RASA3: variants seen among roughly 807,000 people sequenced by gnomAD.
RASA3 encodes the protein RAS p21 protein activator 3, also known as ras GTPase-activating protein 3.
A neutral mutation model predicts 110.0 loss-of-function variants in RASA3; 73 were observed. That is an observed-to-expected ratio of 0.66 (90% CI 0.55 to 0.81). RASA3 has a LOEUF of 0.81. Among genes scored for constraint, RASA3 ranks in the 30% least tolerant of loss-of-function variants. The pLI is 0.00. For synonymous variants in RASA3, 500 were observed against 451.4 expected, an observed-to-expected ratio of 1.11 and a Z score of -1.37; for missense variants, 976 against 1,113.2, an observed-to-expected ratio of 0.88 and a Z score of 1.75.
At chr13:114,019,043 A>C in intron 9 of RASA3, 124 bp from the exon 10 acceptor site, 1 of 1,249,478 alleles carries the variant, frequency 8.0e-7, no homozygotes, top group South Asian at 1.4e-5. Context: ...AGGACCCCTC[A>C]GAGTGCAGCC....
At chr13:114,071,208 C>T (rs2079568007) in intron 2 of RASA3, among the ~76,000 whole-genome samples, 2 of 152,240 alleles carry the variant, frequency 1.3e-5, no homozygotes, top group African/African-American at 4.8e-5. Flanking sequence ...GCCTCAACCT[C>T]CTGGCCTCAA....
At chr13:113,991,828 A>G (rs1177987379) in intron 22 of RASA3, among the ~76,000 whole-genome samples, 1 of 151,758 alleles carries the variant, frequency 6.6e-6, no homozygotes, top group Non-Finnish European at 1.5e-5. Context: ...GCATACTCAC[A>G]CGTGCCCTCA....
At position 114,117,261 on chromosome 13, in the gene RASA3, ATGCACGTGTGTGAGGGG is replaced by A. The variant is rs1368208326; in HGVS notation, c.55+15157_55+15173del. On this transcript the variant is annotated intron_variant, in intron 1 of 23. Transcript: ENST00000334062. Reference sequence around the variant, plus strand: ...TGTGAGGGGTGCACGTGTGTGAGGGATGCACGTGTGTGAGGGGTGCATGTGTGTGAGGAGAGCACGTG... The same window carrying A: ...TGTGAGGGGTGCACGTGTGTGAGGGATGCATGTGTGTGAGGAGAGCACGTG... Among the ~76,000 whole-genome samples, 21 of 9,546 alleles carry A rather than the reference ATGCACGTGTGTGAGGGG, an allele frequency of 2.2e-3. 1 individual carries two copies. The East Asian group carries it at 0.022, about 10-fold the overall frequency. The allele number at this position is 9,546 out of a possible 152,430, so 6.3% of individuals were successfully genotyped here.
chr13:114,081,305 C>G (rs2079785176), intron 1 of RASA3, among the ~76,000 whole-genome samples: 1 of 152,186 alleles, frequency 6.6e-6, no homozygotes, highest in Non-Finnish European at 1.5e-5. Flanking sequence ...GGCCTTGGAG[C>G]CAGGTCAGCC....
At chr13:114,023,440 G>A (rs1388840518) in intron 8 of RASA3, among the ~76,000 whole-genome samples, 3 of 152,212 alleles carry the variant, frequency 2.0e-5, no homozygotes, top group Admixed American at 1.3e-4. Context: ...GGGAAGATTC[G>A]GGGGCTTCAG....
chr13:114,072,351 C>T (rs979054602), intron 2 of RASA3, among the ~76,000 whole-genome samples: 7 of 152,344 alleles, frequency 4.6e-5, no homozygotes, highest in East Asian at 1.9e-4. Context: ...CATCTTCACA[C>T]GCTCAAGTTG....
intron 1 of RASA3, among the ~76,000 whole-genome samples, chr13:114,130,693 T>A (rs533477084): frequency 6.6e-6 from 1 of 152,194 alleles, no homozygotes; most frequent in South Asian, 2.1e-4. Flanking sequence ...TGGCCTGAAG[T>A]GTAGCCCTTC....
At chr13:114,087,311 C>A (rs1370996569) in intron 1 of RASA3, among the ~76,000 whole-genome samples, 1 of 152,150 alleles carries the variant, frequency 6.6e-6, no homozygotes, top group Admixed American at 6.5e-5. Flanking sequence ...GTATCGATTC[C>A]CTTCGTCCTT....
chr13:113,993,590 C>T (rs1013043468), intron 21 of RASA3, among the ~76,000 whole-genome samples: 1 of 151,354 alleles, frequency 6.6e-6, no homozygotes, highest in Non-Finnish European at 1.5e-5. Flanking sequence ...GGTGGATCAT[C>T]TGAAGTCAGG....
intron 1 of RASA3, among the ~76,000 whole-genome samples, chr13:114,106,982 T>G (rs1027227280): frequency 6.6e-6 from 1 of 152,236 alleles, no homozygotes; most frequent in Non-Finnish European, 1.5e-5. Context: ...CTCTTTTCCC[T>G]CCCTCAGCCA....
At chr13:114,097,958 C>T (rs539690726) in intron 1 of RASA3, among the ~76,000 whole-genome samples, 15 of 152,152 alleles carry the variant, frequency 9.9e-5, no homozygotes, top group Admixed American at 2.0e-4. Context: ...AGACCACCAG[C>T]GAGAGAGTGG....
chr13:114,030,388 A>G (rs142806748), intron 4 of RASA3, among the ~76,000 whole-genome samples: 19 of 54,078 alleles, frequency 3.5e-4, no homozygotes, highest in Non-Finnish European at 7.3e-4. Flanking sequence ...CAAGACTCAC[A>G]CAGGAGGCAA....
intron 1 of RASA3, among the ~76,000 whole-genome samples, chr13:114,122,673 G>C (rs2080393976): frequency 6.6e-6 from 1 of 152,240 alleles, no homozygotes; most frequent in Non-Finnish European, 1.5e-5. Flanking sequence ...TGGAAGCAGA[G>C]GGCACAGCAT....
At chr13:114,013,733 T>C (rs2053706403) in intron 14 of RASA3, among the ~76,000 whole-genome samples, 1 of 78,250 alleles carries the variant, frequency 1.3e-5, no homozygotes, top group Admixed American at 1.2e-4. Flanking sequence ...TCCGTCCGTC[T>C]GTCTCTGGCT....
intron 2 of RASA3, among the ~76,000 whole-genome samples, chr13:114,069,624 C>A (rs1200955413): frequency 5.5e-5 from 1 of 18,232 alleles, no homozygotes; most frequent in African/African-American, 2.5e-4. Context: ...GATTCGGGGA[C>A]CGGGAGACTC....
At chr13:114,052,414 C>T (rs1406141384) in intron 2 of RASA3, among the ~76,000 whole-genome samples, 1 of 152,198 alleles carries the variant, frequency 6.6e-6, no homozygotes, top group African/African-American at 2.4e-5. Flanking sequence ...GAGACCTCCA[C>T]AGAGACCACG....
At chr13:114,037,862 G>A (rs1192637578) in intron 4 of RASA3, among the ~76,000 whole-genome samples, 1 of 152,134 alleles carries the variant, frequency 6.6e-6, no homozygotes, top group Non-Finnish European at 1.5e-5. Context: ...GGAGAAGGGA[G>A]CACAGCCTTC....
intron 2 of RASA3, among the ~76,000 whole-genome samples, chr13:114,068,190 G>C (rs1352902239): frequency 6.6e-6 from 1 of 152,184 alleles, no homozygotes; most frequent in Non-Finnish European, 1.5e-5. Flanking sequence ...AATGAACCCT[G>C]CAAAGGACGC....
intron 23 of RASA3, among the ~76,000 whole-genome samples, chr13:113,979,862 T>C (rs1198213123): frequency 1.3e-5 from 2 of 151,982 alleles, no homozygotes; most frequent in Non-Finnish European, 2.9e-5. Context: ...ACCATGTGTG[T>C]GCACCTCCTG....
Sources: gnomAD v4.1 joint callset for allele counts (sites outside exome capture counted in the v4.1 genomes callset) on GRCh38, gnomAD v4.1.1 for gene constraint, MANE v1.5 for transcripts, NCBI Gene and HGNC (gene_info 2026-07-23, HGNC 2026-07-21) for gene names.